Variants in HEATR4 observed in about 807,000 individuals in gnomAD.
HEATR4 encodes HEAT repeat containing 4, also known as HEAT repeat-containing protein 4.
In HEATR4, 95 loss-of-function variants were observed where a neutral mutation model predicts 108.8. The ratio of observed to expected loss-of-function variants is 0.87; its 90% CI spans 0.74 to 1.04. The LOEUF is 1.04. HEATR4 is among the 50% of genes least tolerant of loss of function. The probability of loss-of-function intolerance (pLI) is 0.00; values close to 1 mark genes in which losing one functional copy is unlikely to be tolerated. For synonymous variants in HEATR4, 443 were observed against 459.4 expected (o/e 0.96, Z 0.46); for missense variants, 1,152 against 1,253.8 (o/e 0.92, Z 1.23).
At chr14:73,612,603 G>A in the HEATR4 span, 2 of 1,415,080 alleles carry the variant, frequency 1.4e-6, no homozygotes, top group Admixed American at 2.6e-5. Flanking sequence ...GAGCCCGCGG[G>A]CCGCTGCTGC....
At chr14:73,585,725 G>A in the HEATR4 span, among the ~76,000 whole-genome samples, 2 of 150,620 alleles carry the variant, frequency 1.3e-5, no homozygotes, top group Non-Finnish European at 3.0e-5. Flanking sequence ...ATCACATTGG[G>A]TATTAGGTTT....
At chr14:73,592,195 G>A in the HEATR4 span, 2 of 1,611,022 alleles carry the variant, frequency 1.2e-6, no homozygotes, top group African/African-American at 1.3e-5. Context: ...GAGCCCATGG[G>A]GCTGCTCTGG....
At chr14:73,614,158 G>T in the HEATR4 span, among the ~76,000 whole-genome samples, 3 of 151,692 alleles carry the variant, frequency 2.0e-5, no homozygotes, top group African/African-American at 7.3e-5. Context: ...CTGAGATCAC[G>T]CCACTGCATT....
At chr14:73,537,848 C>G in intron 1 of HEATR4, 1 of 1,205,498 alleles carries the variant, frequency 8.3e-7, no homozygotes, top group Non-Finnish European at 1.1e-6. Flanking sequence ...GCGCGCGGGC[C>G]GGGTGCGAGG....
rs1885103910 is a variant in HEATR4, at chr14:73,478,553, A to G, written c.*53T>C. ...TGTACAGTATCAATTAAAAAGACCC[A>G]ATGTGACCAGGTCCACTGCTTCCTG... On this transcript the variant is annotated 3_prime_UTR_variant, in exon 18 of 18. Transcript: ENST00000553558. 3 of 1,194,462 alleles carry G rather than the reference A, an allele frequency of 2.5e-6. No homozygotes were observed. Among genetic ancestry groups the G allele is most frequent in the East Asian group, 2.3e-5 (1 of 42,840 alleles). The allele number at this position is 1,194,462 out of a possible 1,614,324, so 74.0% of individuals were successfully genotyped here. A position where few individuals can be genotyped will look rare whatever the true frequency, so the allele number is the denominator to read the frequency against.
At chr14:73,632,306 T>A in the HEATR4 span, among the ~76,000 whole-genome samples, 2 of 152,014 alleles carry the variant, frequency 1.3e-5, no homozygotes, top group African/African-American at 2.4e-5. Context: ...CATATATCAA[T>A]ACTTTCTTCA....
chr14:73,494,685 G>C (rs1218769732), intron 16 of HEATR4, among the ~76,000 whole-genome samples: 1 of 152,064 alleles, frequency 6.6e-6, no homozygotes, highest in African/African-American at 2.4e-5. Context: ...TTAGTAGATA[G>C]GACTACCAGT....
At chr14:73,616,660 A>C in the HEATR4 span, 1 of 161,492 alleles carries the variant, frequency 6.2e-6, no homozygotes, top group Non-Finnish European at 1.3e-5. Context: ...GCACCACTGC[A>C]CTTCAGCCTG....
chr14:73,522,477 G>C lies in HEATR4; in HGVS notation c.676C>G (p.Pro226Ala). ...TGCCACTTGTTGGGGGATGCCCCAGGCCTTCGAGGACGCTTGCTCTGGATC... is the reference window on the plus strand; with the variant it reads ...TGCCACTTGTTGGGGGATGCCCCAGCCCTTCGAGGACGCTTGCTCTGGATC... The part of the protein sequence containing the change: ...RWIQSKRPRR[P>A]GASPNKWQSF... Residue 226 changes from proline (P) to alanine (A), a missense_variant, in exon 3 of 18, where the codon CCT becomes GCT. By Grantham distance (27) the Pro-to-Ala change is conservative. Coordinates refer to ENST00000553558, the MANE Select transcript of HEATR4 (RefSeq NM_001220484.1). 1.2e-6 allele frequency: 2 copies of C among 1,614,218 alleles called. No individual in the cohort carries two copies.
chr14:73,627,962 C>G, the HEATR4 span, among the ~76,000 whole-genome samples: 2 of 152,194 alleles, frequency 1.3e-5, no homozygotes, highest in African/African-American at 4.8e-5. Context: ...GTGGGTGCCA[C>G]CAAGCCTGGC....
chr14:73,590,072 C>G, the HEATR4 span, among the ~76,000 whole-genome samples: 1 of 152,178 alleles, frequency 6.6e-6, no homozygotes, highest in Non-Finnish European at 1.5e-5. Context: ...ATAGAACAAA[C>G]CTTCCCGCAA....
At chr14:73,612,031 A>C in the HEATR4 span, among the ~76,000 whole-genome samples, 1 of 151,670 alleles carries the variant, frequency 6.6e-6, no homozygotes, top group South Asian at 2.1e-4. Context: ...GATTGCAGGA[A>C]TAGTCATTAA....
At chr14:73,629,890 GC>G in the HEATR4 span, among the ~76,000 whole-genome samples, 1 of 151,652 alleles carries the variant, frequency 6.6e-6, no homozygotes, top group African/African-American at 2.4e-5. Flanking sequence ...TTTGAGATCC[GC>G]CCTCCTCGGC....
chr14:73,615,370 G>A, the HEATR4 span, among the ~76,000 whole-genome samples: 4 of 125,028 alleles, frequency 3.2e-5, no homozygotes, highest in African/African-American at 1.4e-4. Context: ...CTGGGCAACA[G>A]AGAGAGACTC....
the HEATR4 span, among the ~76,000 whole-genome samples, chr14:73,610,748 C>T: frequency 6.6e-6 from 1 of 152,132 alleles, no homozygotes; most frequent in South Asian, 2.1e-4. Flanking sequence ...TCAGTTCTCC[C>T]CTCTTTCTCA....
chr14:73,579,641 A>G, the HEATR4 span, among the ~76,000 whole-genome samples: 2 of 149,716 alleles, frequency 1.3e-5, no homozygotes, highest in East Asian at 4.0e-4. Context: ...GGTCTTAAAC[A>G]CCTGGGCTCA....
In HEATR4 at chr14:73,492,238, T is replaced by A; in HGVS notation, c.2844+828A>T. On this transcript the variant is annotated intron_variant, in intron 17 of 17. Coordinates refer to ENST00000553558, the MANE Select transcript of HEATR4 (RefSeq NM_001220484.1). This position sits in a 1 kb window ranked among gnomAD's most constrained non-coding sequence, Gnocchi z 4.9. ...TTCCTCGGGGCTTCATTCACCAAGC[T>A]GAATGCCAGGATGGAGTCCACTCTC... 1 of 1,614,032 alleles carries A rather than the reference T, an allele frequency of 6.2e-7. No homozygotes were observed. The highest frequency in any genetic ancestry group is 8.5e-7 in the Non-Finnish European group (1 of 1,179,898).
chr14:73,522,855 T>C lies in HEATR4; in HGVS notation c.298A>G (p.Asn100Asp). 1.2e-6 allele frequency: 2 copies of C among 1,614,046 alleles called. No individual in the cohort carries two copies. Among genetic ancestry groups the C allele is most frequent in the African/African-American group, 1.3e-5 (1 of 74,988 alleles). Reference protein sequence around the residue: ...QYSFDHLYNTNDIIHTPQIRK... With the variant: ...QYSFDHLYNTDDIIHTPQIRK... ...ATCTGGGGAGTATGGATGATGTCATTGGTATTGTAGAGGTGGTCAAAGCTG... is the reference window on the plus strand; with the variant it reads ...ATCTGGGGAGTATGGATGATGTCATCGGTATTGTAGAGGTGGTCAAAGCTG... Residue 100 changes from asparagine to aspartate, a missense_variant, in exon 3 of 18, where the codon AAT (asparagine) becomes GAT (aspartate). Coordinates refer to ENST00000553558, the MANE Select transcript of HEATR4 (RefSeq NM_001220484.1).
At position 73,514,079 on chromosome 14, in the gene HEATR4, C is replaced by G. The variant is rs1555391561; in HGVS notation, c.1366G>C (p.Val456Leu). The change falls in exon 6 of 18, where the codon GTG (valine) becomes CTG (leucine). Residue 456 changes from valine to leucine, a missense_variant. Val to Leu is a conservative substitution (Grantham distance 32). Transcript: ENST00000553558. ...SLQEDVTWEL[V>L]VLRRMLKEWK... ...TCCTTCAGCATCCTCCGCAGGACCA[C>G]CAGTTCCCAGGTCACATCCTCCTGC... The G allele has an allele frequency of 1.2e-6, 2 of 1,614,216 alleles. No homozygotes were observed. The highest frequency in any genetic ancestry group is 2.2e-5 in the South Asian group (2 of 91,086).
Sources: allele counts gnomAD v4.1 joint callset (sites outside exome capture counted in the v4.1 genomes callset), GRCh38; gene constraint gnomAD v4.1.1; non-coding constraint Gnocchi (gnomAD v3.1); transcripts MANE v1.5; gene names NCBI Gene and HGNC (gene_info 2026-07-23, HGNC 2026-07-21).